DLGAP1: variants seen among roughly 807,000 people sequenced by gnomAD.
DLGAP1 encodes the protein DLG associated protein 1.
Under a neutral mutation model 90.8 loss-of-function variants are expected in DLGAP1, and 11 were observed. The observed-to-expected ratio is 0.12, with a 90% CI of 0.08 to 0.20. The LOEUF (loss-of-function observed/expected upper bound fraction) is 0.20. DLGAP1 is among the 10% of genes least tolerant of loss of function. The pLI, the probability that DLGAP1 is intolerant of heterozygous loss-of-function variation, is 1.00. For missense variants in DLGAP1, 1,050 were observed against 1,333.8 expected, an observed-to-expected ratio of 0.79 and a Z score of 3.31; for synonymous variants, 558 against 540.7, an observed-to-expected ratio of 1.03 and a Z score of -0.44.
chr18:3,534,623 G>T lies in DLGAP1; in HGVS notation c.2058-8C>A. ...CGAGTGAACCTGCGGAAGCTTGGGA[G>T]AATAGAAAAAAGAAATTTAGTTAGA... On this transcript the variant is annotated splice_region_variant and splice_polypyrimidine_tract_variant and intron_variant, in intron 9 of 12. Transcript: ENST00000315677. 6.6e-7 allele frequency: 1 copy of T among 1,526,128 alleles called. No homozygotes were observed. The highest frequency in any genetic ancestry group is 8.8e-7 in the Non-Finnish European group (1 of 1,139,222). 94.5% of individuals were successfully genotyped at this position (1,526,128 alleles called of 1,614,324 possible). A position where few individuals can be genotyped will look rare whatever the true frequency, so the allele number is the denominator to read the frequency against.
At chr18:4,114,940 A>T (rs1386255996) in intron 2 of DLGAP1, among the ~76,000 whole-genome samples, 2 of 151,998 alleles carry the variant, frequency 1.3e-5, no homozygotes, top group Non-Finnish European at 2.9e-5. Context: ...TACATATTTA[A>T]TATTTTATTG....
intron 2 of DLGAP1, among the ~76,000 whole-genome samples, chr18:4,066,731 T>C (rs1325808706): frequency 6.6e-6 from 1 of 151,448 alleles, no homozygotes; most frequent in African/African-American, 2.4e-5. Context: ...GTTGGGGGGG[T>C]GTAAATTAAT....
intron 1 of DLGAP1, among the ~76,000 whole-genome samples, chr18:4,265,980 G>A (rs1378217642): frequency 1.3e-5 from 2 of 151,830 alleles, no homozygotes; most frequent in Non-Finnish European, 2.9e-5. Flanking sequence ...CACCCACCAT[G>A]CCCAACTATT....
chr18:3,827,442 G>T (rs1410855691), intron 4 of DLGAP1, among the ~76,000 whole-genome samples: 1 of 152,136 alleles, frequency 6.6e-6, no homozygotes. Context: ...ACTTCTTCCC[G>T]TGATCTTAAT....
At chr18:3,572,171 G>A (rs1020130244) in intron 8 of DLGAP1, among the ~76,000 whole-genome samples, 2 of 144,104 alleles carry the variant, frequency 1.4e-5, no homozygotes, top group Non-Finnish European at 3.0e-5. Flanking sequence ...CTACCCCTCC[G>A]GGATTCAAGC....
intron 3 of DLGAP1, among the ~76,000 whole-genome samples, chr18:3,955,873 T>C (rs1355821650): frequency 6.6e-6 from 1 of 152,070 alleles, no homozygotes; most frequent in Non-Finnish European, 1.5e-5. Flanking sequence ...CCTGAAGACA[T>C]AGAAACAGAA....
At chr18:3,631,740 C>T (rs2058532440) in intron 7 of DLGAP1, among the ~76,000 whole-genome samples, 1 of 151,626 alleles carries the variant, frequency 6.6e-6, no homozygotes, top group South Asian at 2.1e-4. Context: ...AAGCAAGATC[C>T]TGTCTCAAAT....
At chr18:4,225,581 C>G (rs1182332873) in intron 1 of DLGAP1, among the ~76,000 whole-genome samples, 3 of 151,830 alleles carry the variant, frequency 2.0e-5, no homozygotes, top group Non-Finnish European at 4.4e-5. Context: ...ATTCAAGATC[C>G]TATCAGATAA....
At chr18:3,682,741 C>T (rs557378040) in intron 7 of DLGAP1, among the ~76,000 whole-genome samples, 1 of 152,228 alleles carries the variant, frequency 6.6e-6, no homozygotes, top group Non-Finnish European at 1.5e-5. Context: ...TAGGCACTGG[C>T]CTCTAACTGG....
At chr18:3,888,267 C>T (rs2071373496) in intron 3 of DLGAP1, among the ~76,000 whole-genome samples, 2 of 152,024 alleles carry the variant, frequency 1.3e-5, no homozygotes, top group Admixed American at 1.3e-4. Context: ...TTTCACTTTT[C>T]CAGGCTTCCT....
At chr18:3,500,436 A>G (rs1307200346) in intron 12 of DLGAP1, among the ~76,000 whole-genome samples, 1 of 152,220 alleles carries the variant, frequency 6.6e-6, no homozygotes, top group East Asian at 1.9e-4. Context: ...ATCTTAAAAT[A>G]TAGTTTCGGT....
chr18:3,611,356 C>A (rs369480239), intron 7 of DLGAP1, among the ~76,000 whole-genome samples: 9 of 152,162 alleles, frequency 5.9e-5, no homozygotes, highest in Admixed American at 2.0e-4. Flanking sequence ...TTATAAACTA[C>A]AAGTTTTGGG....
At chr18:4,413,978 A>T (rs931815867) in intron 1 of DLGAP1, among the ~76,000 whole-genome samples, 2 of 152,202 alleles carry the variant, frequency 1.3e-5, no homozygotes, top group African/African-American at 4.8e-5. Context: ...TCATCAAATT[A>T]AATATGAATG....
rs539347591 is a variant in DLGAP1 at position 4,389,349 on chromosome 18, C to T, written c.-267+65657G>A. 8.5e-5 allele frequency among the ~76,000 whole-genome samples: 13 copies of T among 152,118 alleles called. No homozygotes were observed. In the South Asian group the frequency reaches 2.7e-3, roughly 32 times the overall value. ...GAGAAATAAAGTAGAATGATGGCTG[C>T]CAAGGGGTACGGGTAGGGGAAAATG... is the stretch of plus-strand genomic sequence containing the variant. On this transcript the variant is annotated intron_variant, in intron 1 of 12. Transcript: ENST00000315677.
At chr18:3,954,868 T>G (rs1430872003) in intron 3 of DLGAP1, among the ~76,000 whole-genome samples, 1 of 151,994 alleles carries the variant, frequency 6.6e-6, no homozygotes. Context: ...GGGAAACAAA[T>G]AAGATAAGCC....
At chr18:3,977,432 G>GTTTTTTTT (rs1467413382) in intron 3 of DLGAP1, among the ~76,000 whole-genome samples, 4 of 52,762 alleles carry the variant, frequency 7.6e-5, no homozygotes, top group African/African-American at 3.4e-4. Flanking sequence ...TGTTTATTCT[G>GTTTTTTTT]TGTTTTTTTT....
chr18:3,666,071 G>T (rs2059870722), intron 7 of DLGAP1, among the ~76,000 whole-genome samples: 1 of 152,106 alleles, frequency 6.6e-6, no homozygotes, highest in Admixed American at 6.5e-5. Context: ...GGCACCGGGG[G>T]AAGAGAGCCC....
chr18:3,648,827 C>T (rs568133647), intron 7 of DLGAP1, among the ~76,000 whole-genome samples: 6 of 152,262 alleles, frequency 3.9e-5, no homozygotes, highest in Admixed American at 6.5e-5. Flanking sequence ...AAATCAGTGA[C>T]AAGTGGCAGA....
intron 1 of DLGAP1, among the ~76,000 whole-genome samples, chr18:4,192,495 T>C (rs938894259): frequency 4.6e-5 from 7 of 152,210 alleles, no homozygotes; most frequent in African/African-American, 1.7e-4. Flanking sequence ...ACTTATCCTG[T>C]AACCCCAACT....
Sources: allele counts gnomAD v4.1 joint callset (sites outside exome capture counted in the v4.1 genomes callset), GRCh38; gene constraint gnomAD v4.1.1; transcripts MANE v1.5; gene names NCBI Gene and HGNC (gene_info 2026-07-23, HGNC 2026-07-21).